The following LRRCC1 variants were observed in gnomAD, a reference collection of about 807,000 sequenced individuals.
LRRCC1 encodes the protein leucine rich repeat and coiled-coil centrosomal protein 1, also known as leucine-rich repeat and coiled-coil domain-containing protein 1.
In LRRCC1, 115 loss-of-function variants were observed where a neutral mutation model predicts 126.0. That is an observed-to-expected ratio of 0.91 (90% CI 0.78 to 1.07). The LOEUF is 1.07. LRRCC1 is among the 50% of genes least tolerant of loss of function. LRRCC1 has a pLI of 0.00. For synonymous variants in LRRCC1, 400 were observed against 393.4 expected, an observed-to-expected ratio of 1.02 and a Z score of -0.20; for missense variants, 1,172 against 1,175.7, an observed-to-expected ratio of 1.00 and a Z score of 0.05.
chr8:85,110,477 G>C (rs1305764677), intron 3 of LRRCC1, among the ~76,000 whole-genome samples: 1 of 152,180 alleles, frequency 6.6e-6, no homozygotes, highest in Non-Finnish European at 1.5e-5. Context: ...CTGTTATATA[G>C]AGAAGAATAG....
At chr8:85,108,367 A>C (rs1808430706) in intron 1 of LRRCC1, among the ~76,000 whole-genome samples, 1 of 152,228 alleles carries the variant, frequency 6.6e-6, no homozygotes, top group African/African-American at 2.4e-5. Flanking sequence ...TCCTCACAGC[A>C]ATTCTACAAG....
At chr8:85,126,967 AT>A in intron 9 of LRRCC1, 130 bp downstream of exon 9, 3 of 763,050 alleles carry the variant, frequency 3.9e-6, no homozygotes, top group Non-Finnish European at 3.9e-6. Flanking sequence ...ATTTGAACTA[AT>A]TTTATTAGAC....
At chr8:85,128,584 A>G (rs1302151186) in intron 9 of LRRCC1, among the ~76,000 whole-genome samples, 2 of 152,006 alleles carry the variant, frequency 1.3e-5, no homozygotes, top group African/African-American at 4.8e-5. Context: ...AATCTTACCT[A>G]CTATGGTATC....
At chr8:85,125,020 T>C (rs1160106837) in intron 8 of LRRCC1, 81 bp downstream of exon 8, 1 of 981,068 alleles carries the variant, frequency 1.0e-6, no homozygotes, top group Non-Finnish European at 1.5e-6. Flanking sequence ...ATGCTTTTAT[T>C]AGCAAAAAGT....
chr8:85,126,800 G>C lies in LRRCC1; in HGVS notation c.1384G>C (p.Glu462Gln), dbSNP rs1227893635. 1.2e-6 allele frequency: 2 copies of C among 1,612,514 alleles called. No individual in the cohort carries two copies. ...GCTGCATAAACATGCAAATGAAAAA[G>C]AGGATATTCATAGTCTGGCTCTACT... is the stretch of plus-strand genomic sequence containing the variant. ...DELHKHANEK[E>Q]DIHSLALLTT... The change falls in exon 9 of 19, where the codon GAG becomes CAG. Residue 462 changes from glutamate (E) to glutamine (Q), a missense_variant. Physicochemically the swap from Glu to Gln is conservative, Grantham distance 29. Coordinates refer to ENST00000360375, the MANE Select transcript of LRRCC1 (RefSeq NM_033402.5).
chr8:85,123,596 T>C lies in LRRCC1; in HGVS notation c.1114T>C (p.Ser372Pro). 6.4e-7 allele frequency: 1 copy of C among 1,572,862 alleles called. No individual in the cohort carries two copies. Among genetic ancestry groups the C allele is most frequent in the Non-Finnish European group, 8.6e-7 (1 of 1,167,260 alleles). The change falls in exon 7 of 19, where the codon TCT becomes CCT. Residue 372 changes from serine to proline, a missense_variant. Ser to Pro is a moderately conservative substitution (Grantham distance 74, BLOSUM62 -1). Coordinates refer to ENST00000360375, the MANE Select transcript of LRRCC1 (RefSeq NM_033402.5). ...TAAGCACCACAATAAAAACTACAAC[T>C]CTTTTGTAAGGTACTTGTTTTAGTT... ...TIKHHNKNYN[S>P]FVSCNRKMKP...
At chr8:85,143,714 T>C (rs1811427378) in intron 18 of LRRCC1, among the ~76,000 whole-genome samples, 1 of 152,176 alleles carries the variant, frequency 6.6e-6, no homozygotes, top group African/African-American at 2.4e-5. Context: ...TTAAATAAGG[T>C]TACAGGTAAT....
rs551979185 is a variant in LRRCC1 at position 85,140,864 on chromosome 8, A to G, written c.2841-518A>G. On this transcript the variant is annotated intron_variant, in intron 17 of 18. Coordinates refer to ENST00000360375, the MANE Select transcript of LRRCC1 (RefSeq NM_033402.5). ...GATCACTTTAGACCAGGAGTTCAAG[A>G]CCAGCCTATCCAACGTAGTGAAACC... Among the ~76,000 whole-genome samples, 10 of 152,272 alleles carry G rather than the reference A, an allele frequency of 6.6e-5. No homozygotes were observed. In the South Asian group the frequency reaches 2.1e-3, roughly 32 times the overall value.
intron 6 of LRRCC1, among the ~76,000 whole-genome samples, chr8:85,119,619 G>A (rs555576582): frequency 7.9e-5 from 12 of 151,422 alleles, no homozygotes; most frequent in Admixed American, 6.6e-4. Context: ...TCAGCCTCCC[G>A]AATAGCTGGG....
In LRRCC1 at chr8:85,123,727, C is replaced by T. The variant is rs1170807753; in HGVS notation, c.1124+121C>T. On this transcript the variant is annotated intron_variant, in intron 7 of 18. Transcript: ENST00000360375. ...TAATGTTGAAGATTTGATTTTTCAG[C>T]CTTGCAGGTTCTGATCTGGTCAGTA... The T allele has an allele frequency of 9.6e-6, 7 of 730,986 alleles. No homozygotes were observed. The African/African-American group carries it at 1.1e-4, about 11-fold the overall frequency. 45.3% of individuals were successfully genotyped at this position (730,986 alleles called of 1,614,324 possible).
In LRRCC1 at chr8:85,115,475, T is replaced by C. The variant is rs1470712471; in HGVS notation, c.821T>C (p.Met274Thr). The C allele has an allele frequency of 6.2e-7, 1 of 1,613,608 alleles. No homozygotes were observed. The highest frequency in any genetic ancestry group is 1.7e-5 in the Admixed American group (1 of 60,002). The change falls in exon 6 of 19, where the codon ATG (methionine) becomes ACG (threonine). Residue 274 changes from methionine to threonine, a missense_variant. Physicochemically the swap from Met to Thr is moderately conservative, Grantham distance 81. Coordinates refer to ENST00000360375, the MANE Select transcript of LRRCC1 (RefSeq NM_033402.5). ...AGTGATGCTGTGTTGACGTCTTTTA[T>C]GTCTGTGTGTCAATCTTCTGAGCCA... ...TPSDAVLTSF[M>T]SVCQSSEPEK...
chr8:85,123,745 G>A, intron 7 of LRRCC1, 139 bp downstream of exon 7: 1 of 613,792 alleles, frequency 1.6e-6, no homozygotes, highest in East Asian at 3.0e-5. Flanking sequence ...GTTCTGATCT[G>A]GTCAGTACAT....
Position 85,124,800 on chromosome 8 carries a change from G to A in LRRCC1, c.1133G>A (p.Arg378His), listed in dbSNP as rs530177719. 2.9e-5 allele frequency: 45 copies of A among 1,547,956 alleles called. No individual in the cohort carries two copies. Among genetic ancestry groups the A allele is most frequent in the Non-Finnish European group, 3.5e-5 (40 of 1,142,106 alleles). Residue 378 changes from arginine to histidine, a missense_variant, in exon 8 of 19, where the codon CGT (arginine) becomes CAT (histidine). Transcript: ENST00000360375. ...TGTTTCATTCTTTACAGTTGTAATC[G>A]TAAAATGAAACCACCTTACCTTAAA... ...KNYNSFVSCN[R>H]KMKPPYLKEL...
At position 85,112,834 on chromosome 8, in the gene LRRCC1, G is replaced by T. The variant is rs553632879; in HGVS notation, c.377-98G>T. On this transcript the variant is annotated intron_variant, in intron 3 of 18. Transcript: ENST00000360375. ...TTCACAGCAAGATCTAATGCTGCCC[G>T]TTTGCCTCTAAAAGTATAACCTATC... 1,620 of 767,650 alleles carry T rather than the reference G, an allele frequency of 2.1e-3. 5 individuals carry two copies. Among genetic ancestry groups the T allele is most frequent in the Non-Finnish European group, 2.9e-3 (1,430 of 499,442 alleles). 47.6% of individuals were successfully genotyped at this position (767,650 alleles called of 1,614,324 possible).
At position 85,134,877 on chromosome 8, in the gene LRRCC1, G is replaced by A. The variant is rs1326527908; in HGVS notation, c.1999G>A (p.Glu667Lys). 1.9e-6 allele frequency: 3 copies of A among 1,577,826 alleles called. No individual in the cohort carries two copies. In the South Asian group the frequency reaches 3.6e-5, roughly 19 times the overall value. ...AGATGGTTTTGAAAATGTTGCAACTGAGTTAGCAAAGAGCAAACATGCTCT... is the reference window on the plus strand; with the variant it reads ...AGATGGTTTTGAAAATGTTGCAACTAAGTTAGCAAAGAGCAAACATGCTCT... ...VKDGFENVAT[E>K]LAKSKHALIW... The change falls in exon 13 of 19, where the codon GAG becomes AAG. Residue 667 changes from glutamate to lysine, a missense_variant. By Grantham distance (56) the Glu-to-Lys change is moderately conservative (BLOSUM62 1). Coordinates refer to ENST00000360375, the MANE Select transcript of LRRCC1 (RefSeq NM_033402.5).
rs763964557 is a variant in LRRCC1 at position 85,112,943 on chromosome 8, C to G, written c.388C>G (p.Leu130Val). 2 of 1,568,190 alleles carry G rather than the reference C, an allele frequency of 1.3e-6. No individual in the cohort carries two copies. Among genetic ancestry groups the G allele is most frequent in the Non-Finnish European group, 1.7e-6 (2 of 1,155,824 alleles). The change falls in exon 4 of 19, where the codon CTT becomes GTT. Residue 130 changes from leucine to valine, a missense_variant. Leu to Val is a conservative substitution (Grantham distance 32). Transcript: ENST00000360375. ...TGTTCCTATTGCAGGATTGATTCCC[C>G]TTCATGGAATTAAGCATAAACTTAG... ...HIDDLSGLIP[L>V]HGIKHKLRYI...
At chr8:85,134,757 C>T in intron 12 of LRRCC1, 90 bp from the exon 13 acceptor site, 1 of 775,518 alleles carries the variant, frequency 1.3e-6, no homozygotes, top group Non-Finnish European at 2.0e-6. Context: ...AAATCTTATT[C>T]TTTTGCTAAA....
At chr8:85,129,444 A>G in intron 10 of LRRCC1, 65 bp downstream of exon 10, 1 of 1,312,720 alleles carries the variant, frequency 7.6e-7, no homozygotes, top group Non-Finnish European at 1.1e-6. Flanking sequence ...CTATCGTGAA[A>G]CAAATTATAC....
At position 85,116,917 on chromosome 8, in the gene LRRCC1, T is replaced by C. The variant is rs183634601; in HGVS notation, c.930+1333T>C. Among the ~76,000 whole-genome samples the C allele has an allele frequency of 2.0e-5, 3 of 152,288 alleles. No individual in the cohort carries two copies. The East Asian group carries it at 5.8e-4, about 29-fold the overall frequency. On this transcript the variant is annotated intron_variant, in intron 6 of 18. Coordinates refer to ENST00000360375, the MANE Select transcript of LRRCC1 (RefSeq NM_033402.5). The stretch of plus-strand genomic sequence containing the variant: ...ATTTCAGTTTGAGCCAATAAGGAGA[T>C]AGTAATAGAAGTGAGACAAGAATGC...
Sources: gnomAD v4.1 joint callset for allele counts (sites outside exome capture counted in the v4.1 genomes callset) on GRCh38, gnomAD v4.1.1 for gene constraint, MANE v1.5 for transcripts, NCBI Gene and HGNC (gene_info 2026-07-23, HGNC 2026-07-21) for gene names.